Variants in RNF152 observed in about 807,000 individuals in gnomAD.
The protein encoded by RNF152 is E3 ubiquitin-protein ligase RNF152.
A neutral mutation model predicts 12.7 loss-of-function variants in RNF152; 11 were observed. The observed-to-expected ratio is 0.86, with a 90% CI of 0.54 to 1.43. RNF152 has a LOEUF of 1.43. RNF152 is among the 40% of genes most tolerant of loss of function. The pLI, the probability that RNF152 is intolerant of heterozygous loss-of-function variation, is 0.00. For missense variants in RNF152, 255 were observed against 274.8 expected (o/e 0.93, Z 0.51); for synonymous variants, 113 against 120.3 (o/e 0.94, Z 0.40).
chr18:61,860,754 TC>T (rs1286038801), intron 1 of RNF152, among the ~76,000 whole-genome samples: 7 of 152,346 alleles, frequency 4.6e-5, no homozygotes, highest in African/African-American at 1.7e-4. Context: ...GGCACTGCTG[TC>T]ACAGGAAATA....
In RNF152 at chr18:61,832,051, T is replaced by C. The variant is rs112477547; in HGVS notation, c.-135-15453A>G. 3.3e-3 allele frequency among the ~76,000 whole-genome samples: 497 copies of C among 152,280 alleles called. 7 individuals are homozygous for C. The highest frequency in any genetic ancestry group is 0.011 in the African/African-American group (461 of 41,558). On this transcript the variant is annotated intron_variant, in intron 1 of 1. Coordinates refer to ENST00000312828, the MANE Select transcript of RNF152 (RefSeq NM_173557.3). The stretch of plus-strand genomic sequence containing the variant: ...GTTCCTAAGCCTTGAACTGGTTTTG[T>C]TGGAGTCGTTGCAATTGTCCTTCAT...
chr18:61,891,978 C>G (rs753906059), intron 1 of RNF152, among the ~76,000 whole-genome samples: 1 of 152,182 alleles, frequency 6.6e-6, no homozygotes, highest in African/African-American at 2.4e-5. Flanking sequence ...ACTCTGCCCT[C>G]TAGCAGAAAA....
At chr18:61,833,982 C>G (rs927538536) in intron 1 of RNF152, among the ~76,000 whole-genome samples, 1 of 152,216 alleles carries the variant, frequency 6.6e-6, no homozygotes, top group Non-Finnish European at 1.5e-5. Flanking sequence ...TGCAAAACTG[C>G]TCTTTTCCAC....
At chr18:61,819,672 T>C (rs1909282687) in intron 1 of RNF152, among the ~76,000 whole-genome samples, 1 of 152,166 alleles carries the variant, frequency 6.6e-6, no homozygotes, top group South Asian at 2.1e-4. Flanking sequence ...GTTCAGGCCA[T>C]ATTCCACTGG....
intron 1 of RNF152, among the ~76,000 whole-genome samples, chr18:61,876,849 T>A (rs549108848): frequency 6.6e-6 from 1 of 152,340 alleles, no homozygotes; most frequent in East Asian, 1.9e-4. Context: ...ATGCTCATTA[T>A]TATGCAAATG....
chr18:61,864,195 A>G (rs755476042), intron 1 of RNF152, among the ~76,000 whole-genome samples: 9 of 152,136 alleles, frequency 5.9e-5, no homozygotes, highest in Non-Finnish European at 8.8e-5. Context: ...TCAGGGGCTC[A>G]GCCCCACAAG....
intron 1 of RNF152, among the ~76,000 whole-genome samples, chr18:61,867,233 T>C (rs1442849699): frequency 6.6e-6 from 1 of 152,068 alleles, no homozygotes; most frequent in Admixed American, 6.6e-5. Context: ...GGTGGATCAA[T>C]TGAGGTCAGG....
chr18:61,812,542 A>G lies in RNF152; in HGVS notation c.*3310T>C, dbSNP rs2144601350. The G allele has an allele frequency of 6.6e-6, 1 of 152,348 alleles. No individual in the cohort carries two copies. The highest frequency in any genetic ancestry group is 1.9e-4 in the East Asian group (1 of 5,190). 9.4% of individuals were successfully genotyped at this position (152,348 alleles called of 1,614,324 possible). On this transcript the variant is annotated 3_prime_UTR_variant, in exon 2 of 2. Transcript: ENST00000312828. ...CAACTTATGCCCCAAGTCATTATAC[A>G]AAATTTTTCCAAAGACAATGCTTCT...
At chr18:61,857,648 T>C (rs1911283772) in intron 1 of RNF152, among the ~76,000 whole-genome samples, 1 of 152,082 alleles carries the variant, frequency 6.6e-6, no homozygotes, top group Non-Finnish European at 1.5e-5. Context: ...GACACAAAAG[T>C]AGCAGATAAC....
At position 61,811,016 on chromosome 18, in the gene RNF152, T is replaced by C. The variant is rs377354516; in HGVS notation, c.*4836A>G. Reference sequence around the variant, plus strand: ...GATAACTTTTGAACTTCTATCTTCCTATTAAGGCTAAAGAAAGATTAGTAT... The same window carrying C: ...GATAACTTTTGAACTTCTATCTTCCCATTAAGGCTAAAGAAAGATTAGTAT... On this transcript the variant is annotated 3_prime_UTR_variant, in exon 2 of 2. Coordinates refer to ENST00000312828, the MANE Select transcript of RNF152 (RefSeq NM_173557.3). 2 of 148,696 alleles carry C rather than the reference T, an allele frequency of 1.3e-5. No individual in the cohort carries two copies. Among genetic ancestry groups the C allele is most frequent in the East Asian group, 2.0e-4 (1 of 5,076 alleles). The allele number at this position is 148,696 out of a possible 1,614,324, so 9.2% of individuals were successfully genotyped here. A position where few individuals can be genotyped will look rare whatever the true frequency, so the allele number is the denominator to read the frequency against.
chr18:61,836,044 C>T (rs1322310409), intron 1 of RNF152, among the ~76,000 whole-genome samples: 1 of 152,134 alleles, frequency 6.6e-6, no homozygotes, highest in Non-Finnish European at 1.5e-5. Flanking sequence ...AATTTCTAAG[C>T]CTTGTCAACT....
intron 1 of RNF152, among the ~76,000 whole-genome samples, chr18:61,892,238 C>G (rs895568503): frequency 2.0e-5 from 3 of 152,186 alleles, no homozygotes; most frequent in African/African-American, 7.2e-5. Flanking sequence ...TCTGCTGCCC[C>G]CAACAGCCCT....
At chr18:61,823,746 C>A (rs1217715516) in intron 1 of RNF152, among the ~76,000 whole-genome samples, 1 of 152,226 alleles carries the variant, frequency 6.6e-6, no homozygotes, top group Admixed American at 6.5e-5. Context: ...AAGCAGCACA[C>A]CATCCAGAAG....
chr18:61,884,197 T>C (rs1211015863), intron 1 of RNF152, among the ~76,000 whole-genome samples: 1 of 151,084 alleles, frequency 6.6e-6, no homozygotes, highest in Admixed American at 6.6e-5. Context: ...GTTCTTACAC[T>C]AACTCAATGA....
chr18:61,828,356 A>G (rs185490538), intron 1 of RNF152, among the ~76,000 whole-genome samples: 1 of 152,130 alleles, frequency 6.6e-6, no homozygotes, highest in African/African-American at 2.4e-5. Flanking sequence ...GCCTCAAGCA[A>G]TCTTCCTGCC....
At chr18:61,878,637 G>A (rs1235764143) in intron 1 of RNF152, among the ~76,000 whole-genome samples, 3 of 152,202 alleles carry the variant, frequency 2.0e-5, no homozygotes, top group Admixed American at 6.5e-5. Flanking sequence ...AGTTCTGGAA[G>A]TTGAGAAATC....
chr18:61,820,328 CACCAAAAAA>C (rs1169363493), intron 1 of RNF152, among the ~76,000 whole-genome samples: 7 of 28,106 alleles, frequency 2.5e-4, no homozygotes, highest in South Asian at 1.6e-3. Flanking sequence ...GACTCCGTCT[CACCAAAAAA>C]AAAAAAAAAA....
At chr18:61,833,760 C>T (rs918129007) in intron 1 of RNF152, among the ~76,000 whole-genome samples, 3 of 152,132 alleles carry the variant, frequency 2.0e-5, no homozygotes, top group Non-Finnish European at 2.9e-5. Context: ...GAGACAAAAG[C>T]ATTCTGACAA....
intron 1 of RNF152, among the ~76,000 whole-genome samples, chr18:61,830,911 T>C (rs529968384): frequency 2.6e-5 from 4 of 152,210 alleles, no homozygotes; most frequent in Non-Finnish European, 4.4e-5. Context: ...TGAGATTTTG[T>C]ACCTAGCAAA....
Sources: gnomAD v4.1 joint callset for allele counts (sites outside exome capture counted in the v4.1 genomes callset) on GRCh38, gnomAD v4.1.1 for gene constraint, MANE v1.5 for transcripts, NCBI Gene and HGNC (gene_info 2026-07-23, HGNC 2026-07-21) for gene names.